Variants in HECW2 observed in about 807,000 individuals in gnomAD.
HECW2 encodes E3 ubiquitin-protein ligase HECW2.
In HECW2, 61 loss-of-function variants were observed where a neutral mutation model predicts 175.2. The observed-to-expected ratio is 0.35, with a 90% CI of 0.28 to 0.43. HECW2 has a LOEUF of 0.43. Ranked by LOEUF, HECW2 falls within the 20% of genes least tolerant of loss-of-function variation. The pLI is 1.00. For missense variants in HECW2, 1,524 were observed against 2,000.5 expected, an observed-to-expected ratio of 0.76 and a Z score of 4.54; for synonymous variants, 671 against 731.0, an observed-to-expected ratio of 0.92 and a Z score of 1.32.
chr2:196,278,133 A>AAAATATATATATATATATATATATATAT (rs531920307), intron 15 of HECW2, among the ~76,000 whole-genome samples: 1 of 66,552 alleles, frequency 1.5e-5, no homozygotes, highest in African/African-American at 4.1e-5. Flanking sequence ...ATAATTAAAA[A>AAAATATATATATATATATATATATATAT]ATATATATAT....
chr2:196,415,416 A>G (rs548328363), intron 2 of HECW2, among the ~76,000 whole-genome samples: 1 of 152,290 alleles, frequency 6.6e-6, no homozygotes, highest in African/African-American at 2.4e-5. Flanking sequence ...GAAAGTGAGT[A>G]GCATATTTGG....
At chr2:196,521,494 T>C (rs1688385078) in intron 1 of HECW2, among the ~76,000 whole-genome samples, 1 of 152,048 alleles carries the variant, frequency 6.6e-6, no homozygotes. Context: ...ATTTTTTTAT[T>C]ATTCTACTTT....
intron 2 of HECW2, among the ~76,000 whole-genome samples, chr2:196,413,526 A>T (rs1365024490): frequency 6.6e-6 from 1 of 152,016 alleles, no homozygotes; most frequent in Non-Finnish European, 1.5e-5. Flanking sequence ...TTGTATTTCT[A>T]GTACAGACAG....
intron 14 of HECW2, chr2:196,289,598 C>A (rs1299071786): frequency 6.6e-6 from 1 of 152,060 alleles, no homozygotes; most frequent in African/African-American, 2.4e-5. Context: ...AGGAACCAGC[C>A]CAGGTTAGAA....
chr2:196,425,218 C>T (rs1695509752), intron 2 of HECW2, among the ~76,000 whole-genome samples: 1 of 53,430 alleles, frequency 1.9e-5, no homozygotes, highest in Admixed American at 2.6e-4. Flanking sequence ...TTGAGACATA[C>T]TGCTTGGAAA....
intron 2 of HECW2, among the ~76,000 whole-genome samples, chr2:196,364,972 C>T (rs957514141): frequency 1.3e-5 from 2 of 152,118 alleles, no homozygotes; most frequent in Admixed American, 1.3e-4. Context: ...GAAAGGGAAG[C>T]TTAAGAATGA....
intron 1 of HECW2, among the ~76,000 whole-genome samples, chr2:196,538,120 C>T (rs1303608921): frequency 6.6e-6 from 1 of 152,224 alleles, no homozygotes; most frequent in Non-Finnish European, 1.5e-5. Context: ...AGTCAAGTAC[C>T]TGCATCGTTT....
intron 1 of HECW2, among the ~76,000 whole-genome samples, chr2:196,539,682 T>C (rs1689146370): frequency 6.6e-6 from 1 of 152,048 alleles, no homozygotes; most frequent in African/African-American, 2.4e-5. Flanking sequence ...CGTGTACGAG[T>C]AATCTCACAT....
chr2:196,551,658 G>A (rs1689605854), intron 1 of HECW2, among the ~76,000 whole-genome samples: 1 of 151,978 alleles, frequency 6.6e-6, no homozygotes, highest in South Asian at 2.1e-4. Flanking sequence ...GCAGTTTCAG[G>A]TCATCTAAAT....
intron 2 of HECW2, among the ~76,000 whole-genome samples, chr2:196,424,289 C>T (rs890809387): frequency 6.6e-6 from 1 of 152,028 alleles, no homozygotes; most frequent in Non-Finnish European, 1.5e-5. Flanking sequence ...TTCAGCTGTC[C>T]TAACTCCTGA....
intron 28 of HECW2, among the ~76,000 whole-genome samples, chr2:196,201,727 T>C (rs1449926559): frequency 6.8e-6 from 1 of 146,154 alleles, no homozygotes; most frequent in African/African-American, 2.7e-5. Flanking sequence ...TGATGCTAGA[T>C]TTTTTTTTTA....
intron 1 of HECW2, among the ~76,000 whole-genome samples, chr2:196,548,384 T>C (rs1689494308): frequency 6.7e-6 from 1 of 149,056 alleles, no homozygotes; most frequent in Non-Finnish European, 1.5e-5. Flanking sequence ...TGATCTTACA[T>C]AATACAGATG....
chr2:196,567,261 A>G (rs1232487641), intron 1 of HECW2, among the ~76,000 whole-genome samples: 4 of 152,226 alleles, frequency 2.6e-5, no homozygotes, highest in Non-Finnish European at 5.9e-5. Context: ...TTAAGTAGAA[A>G]TAAGAGAGAA....
intron 2 of HECW2, among the ~76,000 whole-genome samples, chr2:196,372,855 C>A (rs1693945601): frequency 1.3e-5 from 2 of 152,148 alleles, no homozygotes; most frequent in Non-Finnish European, 2.9e-5. Context: ...CTGTCCAGAA[C>A]AGCTTTGGTT....
chr2:196,471,183 T>G lies in HECW2; in HGVS notation c.-35-37725A>C, dbSNP rs541801249. On this transcript the variant is annotated intron_variant, in intron 1 of 28. Transcript: ENST00000644978. ...AGAAAACATCAACAAATTTTTATTT[T>G]TAAAATCCCTAGCAGGATTATTTGG... Among the ~76,000 whole-genome samples the G allele has an allele frequency of 2.6e-5, 4 of 152,320 alleles. No homozygotes were observed. In the East Asian group the frequency reaches 7.7e-4, roughly 29 times the overall value.
In HECW2 at chr2:196,465,585, T is replaced by C. The variant is rs895619019; in HGVS notation, c.-35-32127A>G. Among the ~76,000 whole-genome samples, 29 of 152,150 alleles carry C rather than the reference T, an allele frequency of 1.9e-4. No homozygotes were observed. The South Asian group carries it at 4.4e-3, about 23-fold the overall frequency. On this transcript the variant is annotated intron_variant, in intron 1 of 28. Transcript: ENST00000644978. Reference sequence around the variant, plus strand: ...CTACTGCTTGTAAGCCTAATCTTACTTTAGGGAACCTGCCTTAACTTTTGC... The same window carrying C: ...CTACTGCTTGTAAGCCTAATCTTACCTTAGGGAACCTGCCTTAACTTTTGC...
At chr2:196,308,732 T>C (rs1259786887) in intron 10 of HECW2, among the ~76,000 whole-genome samples, 1 of 152,190 alleles carries the variant, frequency 6.6e-6, no homozygotes, top group Non-Finnish European at 1.5e-5. Flanking sequence ...TTTTTAAGTG[T>C]GTTAAATCTT....
At chr2:196,436,528 G>A (rs1389482953) in intron 1 of HECW2, among the ~76,000 whole-genome samples, 1 of 151,568 alleles carries the variant, frequency 6.6e-6, no homozygotes, top group African/African-American at 2.4e-5. Context: ...AAAAGTCAAA[G>A]TCCCTAGTTC....
intron 17 of HECW2, among the ~76,000 whole-genome samples, chr2:196,258,313 A>G (rs536452109): frequency 1.3e-5 from 2 of 152,216 alleles, no homozygotes; most frequent in East Asian, 3.8e-4. Flanking sequence ...AGAGTCATCT[A>G]TTTTCCTGAG....
Sources: allele counts gnomAD v4.1 joint callset (sites outside exome capture counted in the v4.1 genomes callset), GRCh38; gene constraint gnomAD v4.1.1; transcripts MANE v1.5; gene names NCBI Gene and HGNC (gene_info 2026-07-23, HGNC 2026-07-21).